Variants in ATXN1 observed in about 807,000 individuals in gnomAD.
ATXN1 encodes ataxin 1, also known as ataxin-1.
A neutral mutation model predicts 56.4 loss-of-function variants in ATXN1; 8 were observed. That is an observed-to-expected ratio of 0.14 (90% confidence interval 0.08 to 0.26). The LOEUF (loss-of-function observed/expected upper bound fraction) is 0.26. ATXN1 is among the 10% of genes least tolerant of loss of function. The probability of loss-of-function intolerance (pLI) is 1.00; values close to 1 mark genes in which losing one functional copy is unlikely to be tolerated. For synonymous variants in ATXN1, 514 were observed against 494.6 expected (o/e 1.04, Z -0.52); for missense variants, 987 against 1,106.5 (o/e 0.89, Z 1.53).
intron 6 of ATXN1, among the ~76,000 whole-genome samples, chr6:16,468,344 C>T (rs531931430): frequency 5.9e-5 from 9 of 152,280 alleles, no homozygotes; most frequent in African/African-American, 1.9e-4. Context: ...TGCCACCACG[C>T]GTGGCTAATT....
chr6:16,407,142 G>C (rs1244237586), intron 6 of ATXN1, among the ~76,000 whole-genome samples: 4 of 152,226 alleles, frequency 2.6e-5, no homozygotes, highest in Non-Finnish European at 5.9e-5. Context: ...TTATAGCTCA[G>C]AGAGATAATG....
intron 6 of ATXN1, among the ~76,000 whole-genome samples, chr6:16,397,919 T>C (rs537670667): frequency 3.9e-4 from 60 of 152,320 alleles, no homozygotes; most frequent in African/African-American, 1.4e-3. Flanking sequence ...CAACCATTGC[T>C]ATGTTGAGTT....
intron 2 of ATXN1, among the ~76,000 whole-genome samples, chr6:16,717,423 G>A (rs1759661293): frequency 6.6e-6 from 1 of 152,200 alleles, no homozygotes; most frequent in South Asian, 2.1e-4. Context: ...CCACTCCCTT[G>A]TTCCGATTCC....
At chr6:16,606,975 C>T (rs910544863) in intron 3 of ATXN1, among the ~76,000 whole-genome samples, 3 of 150,178 alleles carry the variant, frequency 2.0e-5, no homozygotes, top group Non-Finnish European at 4.4e-5. Flanking sequence ...CAACCTCTGC[C>T]TCCCGGGTTC....
intron 6 of ATXN1, among the ~76,000 whole-genome samples, chr6:16,347,209 A>G (rs1404507752): frequency 3.9e-5 from 6 of 152,214 alleles, no homozygotes; most frequent in African/African-American, 1.2e-4. Flanking sequence ...CGACCACCCA[A>G]GGACTGAGGA....
At chr6:16,672,397 G>C (rs1196813424) in intron 2 of ATXN1, among the ~76,000 whole-genome samples, 1 of 152,150 alleles carries the variant, frequency 6.6e-6, no homozygotes, top group Non-Finnish European at 1.5e-5. Flanking sequence ...GCTCAAGTCA[G>C]CAAAATGTGG....
intron 2 of ATXN1, among the ~76,000 whole-genome samples, chr6:16,707,350 A>G (rs1370846234): frequency 6.6e-6 from 1 of 152,164 alleles, no homozygotes; most frequent in Non-Finnish European, 1.5e-5. Context: ...ACTTGGCACC[A>G]TCAACTTCTC....
At chr6:16,589,491 T>C (rs1762685742) in intron 3 of ATXN1, among the ~76,000 whole-genome samples, 1 of 151,186 alleles carries the variant, frequency 6.6e-6, no homozygotes, top group Non-Finnish European at 1.5e-5. Context: ...CGTTTCATAC[T>C]GCAAAGTTCC....
intron 3 of ATXN1, among the ~76,000 whole-genome samples, chr6:16,625,795 G>A (rs1442438944): frequency 6.6e-6 from 1 of 151,832 alleles, no homozygotes; most frequent in Non-Finnish European, 1.5e-5. Flanking sequence ...TCCAGTCACT[G>A]AGTGAGCATT....
At chr6:16,312,639 TCAGGAGTTAGAGAC>T (rs1194570062) in intron 7 of ATXN1, among the ~76,000 whole-genome samples, 1 of 151,984 alleles carries the variant, frequency 6.6e-6, no homozygotes, top group Admixed American at 6.5e-5. Context: ...TCACCTGAGG[TCAGGAGTTAGAGAC>T]CAGTCTGGCC....
intron 3 of ATXN1, among the ~76,000 whole-genome samples, chr6:16,605,118 A>C (rs1762980253): frequency 6.6e-6 from 1 of 152,104 alleles, no homozygotes; most frequent in South Asian, 2.1e-4. Flanking sequence ...TTTTACGTGA[A>C]CTGCTTCCAC....
chr6:16,753,620 C>T (rs1390361555), intron 1 of ATXN1, among the ~76,000 whole-genome samples: 3 of 152,156 alleles, frequency 2.0e-5, no homozygotes, highest in East Asian at 3.9e-4. Context: ...TTGAGCCAGC[C>T]GCTGTCATTC....
At chr6:16,655,942 T>C (rs1035966803) in intron 3 of ATXN1, among the ~76,000 whole-genome samples, 2 of 151,638 alleles carry the variant, frequency 1.3e-5, no homozygotes, top group Non-Finnish European at 2.9e-5. Flanking sequence ...ATACAAAAAT[T>C]AGCTGGGCAT....
At chr6:16,607,772 C>CT (rs1763037115) in intron 3 of ATXN1, among the ~76,000 whole-genome samples, 1 of 152,182 alleles carries the variant, frequency 6.6e-6, no homozygotes, top group South Asian at 2.1e-4. Context: ...CCCAAAATCT[C>CT]TAAGAAATTG....
intron 6 of ATXN1, among the ~76,000 whole-genome samples, chr6:16,441,921 T>C (rs1280625695): frequency 6.6e-6 from 1 of 152,086 alleles, no homozygotes; most frequent in African/African-American, 2.4e-5. Flanking sequence ...ATAAGAGCCT[T>C]TGAAGAAGAA....
intron 3 of ATXN1, among the ~76,000 whole-genome samples, chr6:16,639,697 G>C (rs1181092564): frequency 6.6e-6 from 1 of 152,200 alleles, no homozygotes; most frequent in Non-Finnish European, 1.5e-5. Context: ...TGTTCTAACA[G>C]AAATCTGAAA....
intron 3 of ATXN1, chr6:16,614,962 A>G (rs1763180823): frequency 6.6e-6 from 1 of 151,346 alleles, no homozygotes; most frequent in Admixed American, 6.6e-5. Flanking sequence ...TAATATAAAT[A>G]CAAATGACAA....
intron 4 of ATXN1, among the ~76,000 whole-genome samples, chr6:16,547,846 A>T (rs1761843421): frequency 6.6e-6 from 1 of 152,212 alleles, no homozygotes; most frequent in African/African-American, 2.4e-5. Context: ...GAACTTGGTC[A>T]TATGCAAAAT....
intron 5 of ATXN1, among the ~76,000 whole-genome samples, chr6:16,517,361 T>G (rs1320869086): frequency 2.0e-5 from 3 of 152,250 alleles, no homozygotes; most frequent in Non-Finnish European, 4.4e-5. Flanking sequence ...CCACTTGACC[T>G]CTTCATGTCC....
Sources: gnomAD v4.1 joint callset for allele counts (sites outside exome capture counted in the v4.1 genomes callset) on GRCh38, gnomAD v4.1.1 for gene constraint, MANE v1.5 for transcripts, NCBI Gene and HGNC (gene_info 2026-07-23, HGNC 2026-07-21) for gene names.